The following SORCS1 variants were observed in gnomAD, a reference collection of about 807,000 sequenced individuals.
SORCS1 encodes the protein sortilin related VPS10 domain containing receptor 1.
Under a neutral mutation model 146.1 loss-of-function variants are expected in SORCS1, and 60 were observed. The observed-to-expected ratio is 0.41, with a 90% CI of 0.33 to 0.51. The LOEUF (loss-of-function observed/expected upper bound fraction) is 0.51, where lower values mean the gene tolerates loss of function less well. Ranked by LOEUF, SORCS1 falls within the 20% of genes least tolerant of loss-of-function variation. SORCS1 has a pLI of 0.21. For missense variants in SORCS1, 1,352 were observed against 1,487.6 expected (o/e 0.91, Z 1.50); for synonymous variants, 637 against 584.0 (o/e 1.09, Z -1.31).
At chr10:107,159,123 G>T (rs543931376) in intron 1 of SORCS1, among the ~76,000 whole-genome samples, 4 of 151,808 alleles carry the variant, frequency 2.6e-5, no homozygotes, top group Non-Finnish European at 5.9e-5. Context: ...TGAAATGAAG[G>T]CCTGCTGGGA....
chr10:106,585,537 T>G (rs1357831995), intron 24 of SORCS1, among the ~76,000 whole-genome samples: 1 of 152,156 alleles, frequency 6.6e-6, no homozygotes, highest in Non-Finnish European at 1.5e-5. Flanking sequence ...AAGTCTCCCC[T>G]AAGTGAGCAG....
rs1966513509 is a variant in SORCS1, at chr10:107,123,330, C to T, written c.558+40639G>A. Among the ~76,000 whole-genome samples the T allele has an allele frequency of 2.6e-5, 4 of 152,212 alleles. No homozygotes were observed. The South Asian group carries it at 8.3e-4, about 32-fold the overall frequency. ...GTAATAAAGCAATATAGAAGATAAC[C>T]ATACTGTTCAATAAACAGTAAAAGA... On this transcript the variant is annotated intron_variant, in intron 1 of 25. Coordinates refer to ENST00000263054, the MANE Select transcript of SORCS1 (RefSeq NM_052918.5).
chr10:107,045,179 T>TG (rs1162756212), intron 1 of SORCS1, among the ~76,000 whole-genome samples: 18 of 152,188 alleles, frequency 1.2e-4, no homozygotes, highest in African/African-American at 4.3e-4. Context: ...ATCAGACTTT[T>TG]GTTTTAGGAC....
chr10:106,641,497 T>A (rs1360268986), intron 18 of SORCS1, among the ~76,000 whole-genome samples: 1 of 152,202 alleles, frequency 6.6e-6, no homozygotes, highest in Non-Finnish European at 1.5e-5. Context: ...TTCTAATGCA[T>A]GTCTAGGAAA....
chr10:106,979,024 G>A (rs559928846), intron 1 of SORCS1, among the ~76,000 whole-genome samples: 1 of 152,262 alleles, frequency 6.6e-6, no homozygotes, highest in Admixed American at 6.5e-5. Context: ...GACATAAGTG[G>A]TAGAGAAGAC....
intron 2 of SORCS1, among the ~76,000 whole-genome samples, chr10:106,830,321 G>A (rs997310385): frequency 4.6e-5 from 7 of 152,006 alleles, no homozygotes; most frequent in South Asian, 2.1e-4. Flanking sequence ...TTATTCACTC[G>A]GATTAAATAA....
At chr10:106,982,123 C>T (rs898691677) in intron 1 of SORCS1, among the ~76,000 whole-genome samples, 9 of 152,058 alleles carry the variant, frequency 5.9e-5, no homozygotes, top group African/African-American at 1.9e-4. Context: ...AAAATTGGAA[C>T]GTAGTCTTCG....
chr10:106,854,769 C>A (rs2137336674), intron 2 of SORCS1, among the ~76,000 whole-genome samples: 1 of 152,174 alleles, frequency 6.6e-6, no homozygotes, highest in South Asian at 2.1e-4. Context: ...CTTCCCAATT[C>A]TTGTATTATT....
At chr10:106,873,836 T>C (rs1950505024) in intron 2 of SORCS1, among the ~76,000 whole-genome samples, 1 of 152,110 alleles carries the variant, frequency 6.6e-6, no homozygotes, top group South Asian at 2.1e-4. Context: ...ACGCCTACCT[T>C]ACAAGAAAAG....
At chr10:106,748,151 TTTTTG>T (rs773284386) in intron 5 of SORCS1, among the ~76,000 whole-genome samples, 1 of 152,148 alleles carries the variant, frequency 6.6e-6, no homozygotes, top group East Asian at 1.9e-4. Context: ...ATACTGAGTT[TTTTTG>T]TTTTGTTTTG....
At chr10:106,732,298 T>G (rs1589759774) in intron 5 of SORCS1, among the ~76,000 whole-genome samples, 1 of 152,330 alleles carries the variant, frequency 6.6e-6, no homozygotes, top group Middle Eastern at 3.4e-3. Context: ...TGGAATCTGC[T>G]TGAATCCAGG....
chr10:106,621,209 A>C (rs554477851), intron 19 of SORCS1, among the ~76,000 whole-genome samples: 2 of 152,278 alleles, frequency 1.3e-5, no homozygotes, highest in South Asian at 4.1e-4. Flanking sequence ...TTTTATCTAC[A>C]GAGGCCTATA....
At chr10:107,180,551 A>T in the SORCS1 span, among the ~76,000 whole-genome samples, 5 of 151,392 alleles carry the variant, frequency 3.3e-5, no homozygotes, top group Non-Finnish European at 5.9e-5. Context: ...TGGGTTGTCA[A>T]TTTTTTTATA....
chr10:107,172,485 A>C, the SORCS1 span, among the ~76,000 whole-genome samples: 1 of 152,214 alleles, frequency 6.6e-6, no homozygotes, highest in South Asian at 2.1e-4. Flanking sequence ...TTTTTTCTAT[A>C]TTCTCTTGGC....
chr10:106,951,405 G>A (rs1954674385), intron 2 of SORCS1, among the ~76,000 whole-genome samples: 3 of 151,748 alleles, frequency 2.0e-5, no homozygotes, highest in African/African-American at 4.8e-5. Context: ...AGCTACTAGG[G>A]AGGCTGAAGC....
intron 3 of SORCS1, among the ~76,000 whole-genome samples, chr10:106,821,853 C>G (rs902791382): frequency 9.6e-4 from 145 of 151,368 alleles, no homozygotes; most frequent in Non-Finnish European, 8.1e-4. Flanking sequence ...CCCTGGGAGG[C>G]AGAGCTTGCA....
chr10:106,909,451 C>T (rs1322518321), intron 2 of SORCS1, among the ~76,000 whole-genome samples: 1 of 152,186 alleles, frequency 6.6e-6, no homozygotes, highest in Non-Finnish European at 1.5e-5. Context: ...CAGACTCACA[C>T]CCAGATGGTT....
chr10:107,037,913 G>T (rs1445683621), intron 1 of SORCS1, among the ~76,000 whole-genome samples: 2 of 152,162 alleles, frequency 1.3e-5, no homozygotes, highest in Non-Finnish European at 2.9e-5. Context: ...TGCAGCCTCC[G>T]CCTCCCAGGT....
At chr10:106,639,871 A>G (rs1848954674) in intron 18 of SORCS1, among the ~76,000 whole-genome samples, 2 of 152,022 alleles carry the variant, frequency 1.3e-5, no homozygotes, top group Admixed American at 1.3e-4. Flanking sequence ...TACAAAAATT[A>G]CCTGGGTGTG....
Sources: gnomAD v4.1 joint callset for allele counts (sites outside exome capture counted in the v4.1 genomes callset) on GRCh38, gnomAD v4.1.1 for gene constraint, MANE v1.5 for transcripts, NCBI Gene and HGNC (gene_info 2026-07-23, HGNC 2026-07-21) for gene names.